Variants in ZHX3 observed in about 807,000 individuals in gnomAD.
ZHX3 encodes the protein zinc fingers and homeoboxes protein 3.
Under a neutral mutation model 64.5 loss-of-function variants are expected in ZHX3, and 20 were observed. The ratio of observed to expected loss-of-function variants is 0.31; its 90% confidence interval spans 0.22 to 0.45. The LOEUF is 0.45. Among genes scored for constraint, ZHX3 ranks in the 20% least tolerant of loss-of-function variants. The pLI is 1.00. For synonymous variants in ZHX3, 423 were observed against 461.6 expected (o/e 0.92, Z 1.07); for missense variants, 1,041 against 1,195.8 (o/e 0.87, Z 1.91).
intron 1 of ZHX3, among the ~76,000 whole-genome samples, chr20:41,294,060 T>G (rs2044380047): frequency 6.6e-6 from 1 of 152,094 alleles, no homozygotes; most frequent in South Asian, 2.1e-4. Context: ...AAGAAGTGAA[T>G]AGACAAAAGT....
At chr20:41,262,067 T>C (rs1366921424) in intron 2 of ZHX3, among the ~76,000 whole-genome samples, 5 of 152,170 alleles carry the variant, frequency 3.3e-5, no homozygotes, top group Admixed American at 3.3e-4. Context: ...ATCTCCACCA[T>C]GGCAGGCATT....
intron 2 of ZHX3, among the ~76,000 whole-genome samples, chr20:41,238,018 C>G (rs574648690): frequency 1.5e-4 from 23 of 152,314 alleles, no homozygotes; most frequent in Non-Finnish European, 2.4e-4. Flanking sequence ...CTGCACCACT[C>G]AGCTACACTA....
In ZHX3 at chr20:41,212,689, CAGGAGG is replaced by C. The variant is rs1354929819; in HGVS notation, c.-150-7629_-150-7624del. ...GTGCATGACTGTAATCCCAGCTACTCAGGAGGCTGAGGCAGGAGAATTGCTTGAACC... is the reference window on the plus strand; with the variant it reads ...GTGCATGACTGTAATCCCAGCTACTCCTGAGGCAGGAGAATTGCTTGAACC... On this transcript the variant is annotated intron_variant, in intron 2 of 3. Coordinates refer to ENST00000683867, the MANE Select transcript of ZHX3 (RefSeq NM_001384317.1). The surrounding 1 kb of genome is among the most constrained non-coding windows in gnomAD (Gnocchi z 4.3). Among the ~76,000 whole-genome samples the C allele has an allele frequency of 6.6e-6, 1 of 151,772 alleles. No homozygotes were observed. The highest frequency in any genetic ancestry group is 1.5e-5 in the Non-Finnish European group (1 of 67,958).
rs2038499226 is a variant in ZHX3, at chr20:41,204,136, C to A, written c.781G>T (p.Val261Leu). Residue 261 changes from valine to leucine, a missense_variant, in exon 3 of 4, where the codon GTG becomes TTG. This residue lies in a region of ZHX3 where 358 missense variants were observed against 369.1 expected (regional missense o/e 0.97). Transcript: ENST00000683867. This position sits in a 1 kb window ranked among gnomAD's most constrained non-coding sequence, Gnocchi z 6.6. ...GCTATGCCAGCTGGCAAAACTGGCA[C>A]TGTTCCTATCAGGGGCCCGTTGGCG... ...HAANGPLIGT[V>L]PVLPAGIAQF... is the part of the protein sequence containing the mutation. The A allele has an allele frequency of 6.2e-7, 1 of 1,606,088 alleles. No homozygotes were observed. The highest frequency in any genetic ancestry group is 8.5e-7 in the Non-Finnish European group (1 of 1,176,138).
At chr20:41,220,046 G>A (rs548353018) in intron 2 of ZHX3, among the ~76,000 whole-genome samples, 87 of 152,316 alleles carry the variant, frequency 5.7e-4, no homozygotes, top group Non-Finnish European at 9.6e-4. Context: ...CTGATACAGA[G>A]TCTGAAGACA....
chr20:41,266,778 G>A (rs1031216341), intron 2 of ZHX3, among the ~76,000 whole-genome samples: 5 of 149,558 alleles, frequency 3.3e-5, no homozygotes, highest in South Asian at 2.1e-4. Context: ...ATCTCCTGAC[G>A]TCGTGATCTG....
In ZHX3 at chr20:41,208,822, T is replaced by C. The variant is rs2038934102; in HGVS notation, c.-150-3756A>G. Among the ~76,000 whole-genome samples, 5 of 152,318 alleles carry C rather than the reference T, an allele frequency of 3.3e-5. No homozygotes were observed. The South Asian group carries it at 1.0e-3, about 32-fold the overall frequency. On this transcript the variant is annotated intron_variant, in intron 2 of 3. Transcript: ENST00000683867. ...TCTCTCACCACTCCTATTAACATAG[T>C]GTTGGAAGTTCTGGCCAGGGCAATC...
chr20:41,285,504 T>C (rs751877718), intron 1 of ZHX3, among the ~76,000 whole-genome samples: 1 of 152,238 alleles, frequency 6.6e-6, no homozygotes, highest in Non-Finnish European at 1.5e-5. Flanking sequence ...GCTGAACTAG[T>C]TCATTAAAAT....
intron 1 of ZHX3, among the ~76,000 whole-genome samples, chr20:41,295,776 G>A (rs527769386): frequency 5.5e-4 from 83 of 152,026 alleles, no homozygotes; most frequent in East Asian, 3.5e-3. Context: ...GCCTGAACCC[G>A]GGAGGCGGAG....
intron 2 of ZHX3, among the ~76,000 whole-genome samples, chr20:41,264,693 T>C (rs76947031): frequency 6.6e-6 from 1 of 152,078 alleles, no homozygotes; most frequent in Non-Finnish European, 1.5e-5. Context: ...CTAATTATTC[T>C]ACTAATCTGA....
chr20:41,316,232 G>C (rs2045284488), intron 1 of ZHX3, among the ~76,000 whole-genome samples: 1 of 152,126 alleles, frequency 6.6e-6, no homozygotes, highest in Non-Finnish European at 1.5e-5. Context: ...ATCTTTCCAA[G>C]GCAGCAACAG....
At chr20:41,191,309 T>C (rs2036999224) in intron 3 of ZHX3, among the ~76,000 whole-genome samples, 1 of 152,152 alleles carries the variant, frequency 6.6e-6, no homozygotes, top group African/African-American at 2.4e-5. Context: ...TAATATATTG[T>C]TGAAGCTTTC....
chr20:41,279,202 A>C (rs1312435388), intron 1 of ZHX3, among the ~76,000 whole-genome samples: 8 of 152,244 alleles, frequency 5.3e-5, no homozygotes, highest in Admixed American at 3.9e-4. Flanking sequence ...CCATATTGCC[A>C]AACTGCACTG....
chr20:41,266,437 C>T (rs1197626329), intron 2 of ZHX3, among the ~76,000 whole-genome samples: 3 of 152,188 alleles, frequency 2.0e-5, no homozygotes, highest in Admixed American at 1.3e-4. Context: ...TCTAACTCCA[C>T]AGGCATTGCT....
intron 1 of ZHX3, among the ~76,000 whole-genome samples, chr20:41,274,623 G>GA (rs1244594468): frequency 1.3e-5 from 2 of 152,212 alleles, no homozygotes; most frequent in Non-Finnish European, 2.9e-5. Context: ...AATAACCCAG[G>GA]AAAAATCACT....
chr20:41,196,218 T>C (rs1420783834), intron 3 of ZHX3, among the ~76,000 whole-genome samples: 1 of 141,166 alleles, frequency 7.1e-6, no homozygotes. Flanking sequence ...CTTTCTCCCT[T>C]TAATTCTGTC....
intron 3 of ZHX3, among the ~76,000 whole-genome samples, chr20:41,198,856 AAT>A (rs1328271116): frequency 6.6e-6 from 1 of 152,126 alleles, no homozygotes; most frequent in African/African-American, 2.4e-5. Flanking sequence ...TAACTATATG[AAT>A]ATATGAGTAC....
At chr20:41,296,250 A>C (rs1211437852) in intron 1 of ZHX3, among the ~76,000 whole-genome samples, 1 of 91,984 alleles carries the variant, frequency 1.1e-5, no homozygotes. Flanking sequence ...AAAAAAAAAA[A>C]AAAAAAAAAA....
chr20:41,218,335 A>AT (rs768961155), intron 2 of ZHX3, among the ~76,000 whole-genome samples: 1 of 152,104 alleles, frequency 6.6e-6, no homozygotes, highest in Non-Finnish European at 1.5e-5. Context: ...GTCACAGCTA[A>AT]TTGGGAAGCT....
Sources: gnomAD v4.1 joint callset for allele counts (sites outside exome capture counted in the v4.1 genomes callset) on GRCh38, gnomAD v4.1.1 for gene constraint, gnomAD v4.1.1 regional missense constraint, Gnocchi (gnomAD v3.1) non-coding constraint, MANE v1.5 for transcripts, NCBI Gene and HGNC (gene_info 2026-07-23, HGNC 2026-07-21) for gene names.